Variants in FRMD5 observed in about 807,000 individuals in gnomAD.
FRMD5 encodes FERM domain containing 5.
A neutral mutation model predicts 69.0 loss-of-function variants in FRMD5; 20 were observed. The ratio of observed to expected loss-of-function variants is 0.29; its 90% CI spans 0.20 to 0.42. The LOEUF is 0.42. Among genes scored for constraint, FRMD5 ranks in the 10% least tolerant of loss-of-function variants. FRMD5 has a pLI of 1.00. For missense variants in FRMD5, 595 were observed against 708.6 expected (o/e 0.84, Z 1.82); for synonymous variants, 271 against 260.1 (o/e 1.04, Z -0.40).
At chr15:43,899,963 CTG>C (rs1442228754) in intron 7 of FRMD5, among the ~76,000 whole-genome samples, 1 of 150,090 alleles carries the variant, frequency 6.7e-6, no homozygotes. Flanking sequence ...CTGCCCATCT[CTG>C]TGTCTTTTCA....
In FRMD5 at chr15:43,873,317, CTTT is replaced by C; in HGVS notation, c.*565_*567del. On this transcript the variant is annotated 3_prime_UTR_variant, in exon 14 of 14. Coordinates refer to ENST00000417257, the MANE Select transcript of FRMD5 (RefSeq NM_032892.5). ...TTTAATCATTCTACATGGATGTTTA[CTTT>C]TTTAAAAGTTCTGGCTGGCAAAAAA... 1.3e-6 allele frequency: 2 copies of C among 1,506,670 alleles called. No individual in the cohort carries two copies. The highest frequency in any genetic ancestry group is 1.8e-6 in the Non-Finnish European group (2 of 1,132,408). 93.3% of individuals were successfully genotyped at this position (1,506,670 alleles called of 1,614,324 possible).
chr15:44,046,943 A>G (rs76564734), intron 1 of FRMD5, among the ~76,000 whole-genome samples: 1,694 of 152,294 alleles, frequency 0.011, 22 homozygotes, highest in African/African-American at 0.038. Flanking sequence ...TTTGCTATAG[A>G]GGTCTAGCAT....
chr15:43,924,055 TA>T, intron 2 of FRMD5, 149 bp downstream of exon 2: 1 of 666,382 alleles, frequency 1.5e-6, no homozygotes, highest in Non-Finnish European at 2.7e-6. Flanking sequence ...CTTCCAGGTC[TA>T]ATGCTATGAT....
At chr15:44,139,727 C>CAAAAAAA (rs71111842) in intron 1 of FRMD5, among the ~76,000 whole-genome samples, 11 of 72,046 alleles carry the variant, frequency 1.5e-4, no homozygotes, top group African/African-American at 2.3e-4. Flanking sequence ...CCAGTCTCTA[C>CAAAAAAA]AAAAAAAAAA....
intron 1 of FRMD5, among the ~76,000 whole-genome samples, chr15:44,032,786 C>G (rs28832708): frequency 0.035 from 5,385 of 152,226 alleles, 284 homozygotes; most frequent in African/African-American, 0.11. Flanking sequence ...TTGTGGAAAG[C>G]AGTATGGCAA....
intron 1 of FRMD5, among the ~76,000 whole-genome samples, chr15:44,141,806 C>A (rs1025608674): frequency 1.3e-5 from 2 of 152,154 alleles, no homozygotes; most frequent in Admixed American, 6.5e-5. Flanking sequence ...TCAGACCACA[C>A]CAGCTTTACT....
intron 1 of FRMD5, among the ~76,000 whole-genome samples, chr15:44,106,243 T>C (rs1410459920): frequency 6.6e-6 from 1 of 152,154 alleles, no homozygotes; most frequent in Admixed American, 6.5e-5. Context: ...TCTTCATGCA[T>C]AGAAAGACGA....
intron 1 of FRMD5, among the ~76,000 whole-genome samples, chr15:43,926,068 G>A (rs2089579679): frequency 1.3e-5 from 2 of 152,192 alleles, no homozygotes; most frequent in South Asian, 4.1e-4. Context: ...ATGGCAGGCA[G>A]GTCCTCAATA....
chr15:43,971,531 A>G (rs2090377858), intron 1 of FRMD5, among the ~76,000 whole-genome samples: 1 of 149,808 alleles, frequency 6.7e-6, no homozygotes, highest in African/African-American at 2.5e-5. Context: ...TAAAAATACA[A>G]AAGTTAGCCA....
chr15:43,921,556 T>C (rs2089493449), intron 2 of FRMD5, among the ~76,000 whole-genome samples: 1 of 152,138 alleles, frequency 6.6e-6, no homozygotes, highest in Non-Finnish European at 1.5e-5. Context: ...GGCAGAGAAA[T>C]CTTGAGAGGA....
chr15:44,061,226 C>A (rs1480231286), intron 1 of FRMD5, among the ~76,000 whole-genome samples: 1 of 152,202 alleles, frequency 6.6e-6, no homozygotes, highest in African/African-American at 2.4e-5. Context: ...TTCCCACAAC[C>A]TAGACATTCC....
intron 1 of FRMD5, among the ~76,000 whole-genome samples, chr15:43,948,189 G>C (rs570977555): frequency 2.6e-5 from 4 of 152,216 alleles, no homozygotes; most frequent in Non-Finnish European, 5.9e-5. Flanking sequence ...TTTAATTATA[G>C]AACCTGAATA....
chr15:43,969,643 G>A lies in FRMD5; in HGVS notation c.103-45334C>T, dbSNP rs867257551. 2.0e-5 allele frequency among the ~76,000 whole-genome samples: 3 copies of A among 152,212 alleles called. No homozygotes were observed. In the South Asian group the frequency reaches 6.2e-4, roughly 32 times the overall value. ...TTGTCACATACACTCAAAAAGACTG[G>A]AAGTTCTTATAAAGGACTCCTTTTA... On this transcript the variant is annotated intron_variant, in intron 1 of 13. Coordinates refer to ENST00000417257, the MANE Select transcript of FRMD5 (RefSeq NM_032892.5).
chr15:44,189,681 G>C (rs945829972), intron 1 of FRMD5, among the ~76,000 whole-genome samples: 4 of 151,852 alleles, frequency 2.6e-5, no homozygotes, highest in Admixed American at 1.3e-4. Context: ...AGTAGAGACG[G>C]GGGTTTTACC....
chr15:44,175,081 T>A (rs991375308), intron 1 of FRMD5, among the ~76,000 whole-genome samples: 7 of 152,178 alleles, frequency 4.6e-5, no homozygotes, highest in Non-Finnish European at 7.3e-5. Flanking sequence ...TAAAATTTTT[T>A]AAAAAATTCA....
chr15:44,137,972 C>T (rs931161397), intron 1 of FRMD5, among the ~76,000 whole-genome samples: 12 of 152,128 alleles, frequency 7.9e-5, no homozygotes, highest in African/African-American at 2.7e-4. Flanking sequence ...CTAAGCCAGC[C>T]ACTTGCTAGC....
At position 43,887,873 on chromosome 15, in the gene FRMD5, G is replaced by A. The variant is rs557993131; in HGVS notation, c.884+302C>T. Among the ~76,000 whole-genome samples the A allele has an allele frequency of 6.6e-5, 10 of 152,338 alleles. No individual in the cohort carries two copies. In the South Asian group the frequency reaches 8.3e-4, roughly 13 times the overall value. On this transcript the variant is annotated intron_variant, in intron 10 of 13. Coordinates refer to ENST00000417257, the MANE Select transcript of FRMD5 (RefSeq NM_032892.5). ...TATATTTTTAAAACAAGACCAAAGG[G>A]CTTAGTGAGACATATTTTACCTGGC... is the stretch of plus-strand genomic sequence containing the variant.
At chr15:44,149,691 A>C (rs1440849190) in intron 1 of FRMD5, among the ~76,000 whole-genome samples, 2 of 152,180 alleles carry the variant, frequency 1.3e-5, no homozygotes, top group African/African-American at 4.8e-5. Flanking sequence ...TATTCAATAC[A>C]GCAAGAAGAT....
chr15:44,169,175 T>G (rs896111173), intron 1 of FRMD5, among the ~76,000 whole-genome samples: 2 of 152,184 alleles, frequency 1.3e-5, no homozygotes, highest in African/African-American at 2.4e-5. Context: ...CCCCAATTAT[T>G]CCTGTCGCCT....
Sources: allele counts gnomAD v4.1 joint callset (sites outside exome capture counted in the v4.1 genomes callset), GRCh38; gene constraint gnomAD v4.1.1; transcripts MANE v1.5; gene names NCBI Gene and HGNC (gene_info 2026-07-23, HGNC 2026-07-21).